ZDHHC14: variants seen among roughly 807,000 people sequenced by gnomAD.
ZDHHC14 encodes the protein palmitoyltransferase ZDHHC14.
A neutral mutation model predicts 47.7 loss-of-function variants in ZDHHC14; 16 were observed. The observed-to-expected ratio is 0.34, with a 90% CI of 0.23 to 0.51. ZDHHC14 has a LOEUF of 0.51. Among genes scored for constraint, ZDHHC14 ranks in the 20% least tolerant of loss-of-function variants. ZDHHC14 has a pLI of 0.97. For missense variants in ZDHHC14, 515 were observed against 662.5 expected, an observed-to-expected ratio of 0.78 and a Z score of 2.44; for synonymous variants, 293 against 278.9, an observed-to-expected ratio of 1.05 and a Z score of -0.50.
chr6:157,453,817 T>TGTGTGTGTGTG (rs1562431455), intron 1 of ZDHHC14, among the ~76,000 whole-genome samples: 6 of 151,718 alleles, frequency 4.0e-5, no homozygotes, highest in South Asian at 2.1e-4. Context: ...TGTGTGTGTG[T>TGTGTGTGTGTG]TTGACCATGG....
rs115911169 is a variant in ZDHHC14 at position 157,663,199 on chromosome 6, C to G, written c.1069-9525C>G. On this transcript the variant is annotated intron_variant, in intron 8 of 8. Coordinates refer to ENST00000359775, the MANE Select transcript of ZDHHC14 (RefSeq NM_024630.3). Reference sequence around the variant, plus strand: ...CTTTTGGTCTCAAGGCTTCTACCCCCCTGGGAGTGCCCCAAGCGCCATGAG... The same window carrying G: ...CTTTTGGTCTCAAGGCTTCTACCCCGCTGGGAGTGCCCCAAGCGCCATGAG... 3.5e-3 allele frequency among the ~76,000 whole-genome samples: 528 copies of G among 152,350 alleles called. 2 individuals are homozygous for G. The highest frequency in any genetic ancestry group is 0.012 in the African/African-American group (513 of 41,582).
At chr6:157,489,759 G>A (rs1025368402) in intron 1 of ZDHHC14, among the ~76,000 whole-genome samples, 1 of 152,224 alleles carries the variant, frequency 6.6e-6, no homozygotes, top group African/African-American at 2.4e-5. Flanking sequence ...AGGATGCGGG[G>A]AAGCTACTGC....
intron 1 of ZDHHC14, among the ~76,000 whole-genome samples, chr6:157,418,040 C>T (rs533276475): frequency 2.6e-5 from 4 of 152,214 alleles, no homozygotes; most frequent in African/African-American, 4.8e-5. Context: ...GTCTCGGGGC[C>T]CAGGCACTTT....
At chr6:157,498,176 C>T (rs1232930611) in intron 1 of ZDHHC14, among the ~76,000 whole-genome samples, 2 of 152,066 alleles carry the variant, frequency 1.3e-5, no homozygotes, top group Non-Finnish European at 2.9e-5. Flanking sequence ...GTGGCTCATG[C>T]CTGTAATTCC....
intron 1 of ZDHHC14, among the ~76,000 whole-genome samples, chr6:157,475,362 G>T (rs1423241147): frequency 1.3e-5 from 2 of 151,874 alleles, no homozygotes; most frequent in African/African-American, 4.8e-5. Flanking sequence ...ATCTTTTGTG[G>T]TTCCATATGG....
At chr6:157,390,408 C>T (rs138312556) in intron 1 of ZDHHC14, among the ~76,000 whole-genome samples, 1,761 of 152,196 alleles carry the variant, frequency 0.012, 39 homozygotes, top group African/African-American at 0.041. Context: ...TGGGGTTTGC[C>T]GAGCTTCTTG....
intron 8 of ZDHHC14, among the ~76,000 whole-genome samples, chr6:157,665,932 C>G (rs1448831422): frequency 6.6e-6 from 1 of 152,166 alleles, no homozygotes; most frequent in Non-Finnish European, 1.5e-5. Context: ...TATGAAATTT[C>G]AAGGACCCAT....
chr6:157,613,021 T>TA (rs1229934579), intron 3 of ZDHHC14, among the ~76,000 whole-genome samples: 2 of 151,930 alleles, frequency 1.3e-5, no homozygotes, highest in African/African-American at 2.4e-5. Flanking sequence ...AATGATCATT[T>TA]AAAAAAAATT....
At chr6:157,406,700 A>G (rs989401948) in intron 1 of ZDHHC14, among the ~76,000 whole-genome samples, 1 of 152,238 alleles carries the variant, frequency 6.6e-6, no homozygotes, top group Non-Finnish European at 1.5e-5. Context: ...AAAAATTTCA[A>G]ACTAAGGATC....
chr6:157,431,775 G>T (rs181588656), intron 1 of ZDHHC14, among the ~76,000 whole-genome samples: 28 of 150,814 alleles, frequency 1.9e-4, no homozygotes, highest in African/African-American at 6.1e-4. Context: ...TGTCACTCAG[G>T]CTAGAGTGCG....
intron 2 of ZDHHC14, among the ~76,000 whole-genome samples, chr6:157,578,291 C>T (rs973212366): frequency 1.3e-5 from 2 of 152,148 alleles, no homozygotes; most frequent in African/African-American, 4.8e-5. Context: ...AATGACATTT[C>T]CTAAGTTATC....
chr6:157,420,427 A>G (rs1453950381), intron 1 of ZDHHC14, among the ~76,000 whole-genome samples: 1 of 150,162 alleles, frequency 6.7e-6, no homozygotes, highest in Non-Finnish European at 1.5e-5. Flanking sequence ...GAGAGAAGGT[A>G]TAGTCATTGA....
intron 1 of ZDHHC14, among the ~76,000 whole-genome samples, chr6:157,529,648 C>A (rs1053021301): frequency 2.0e-5 from 3 of 152,214 alleles, no homozygotes; most frequent in Non-Finnish European, 4.4e-5. Context: ...GGACAAGGCA[C>A]CTTCACGCAG....
Position 157,628,332 on chromosome 6 carries a change from T to TTTTTTC in ZDHHC14, c.566-17_566-16insTTTTTC. 2 of 1,574,530 alleles carry TTTTTTC rather than the reference T, an allele frequency of 1.3e-6. No individual in the cohort carries two copies. Among genetic ancestry groups the TTTTTTC allele is most frequent in the Non-Finnish European group, 8.5e-7 (1 of 1,170,954 alleles). ...AATTGATTTCCACTTTTTTTTTTTT[T>TTTTTTC]CTGCCTCTCATTTCAGAACGGTTTG... On this transcript the variant is annotated splice_polypyrimidine_tract_variant and intron_variant, in intron 3 of 8. Transcript: ENST00000359775.
intron 1 of ZDHHC14, among the ~76,000 whole-genome samples, chr6:157,480,527 T>C (rs1418787470): frequency 6.6e-6 from 1 of 152,162 alleles, no homozygotes; most frequent in African/African-American, 2.4e-5. Context: ...TCAGCCTTCC[T>C]AAGTGTTAGG....
Position 157,640,502 on chromosome 6 carries a change from A to G in ZDHHC14, c.753-5235A>G, listed in dbSNP as rs533251094. On this transcript the variant is annotated intron_variant, in intron 5 of 8. Coordinates refer to ENST00000359775, the MANE Select transcript of ZDHHC14 (RefSeq NM_024630.3). ...AGCACAGGTCTTTTCCAACTTGTCCATCCTGATACCTGCTGATCCTGAGAG... is the reference window on the plus strand; with the variant it reads ...AGCACAGGTCTTTTCCAACTTGTCCGTCCTGATACCTGCTGATCCTGAGAG... 7.9e-5 allele frequency among the ~76,000 whole-genome samples: 12 copies of G among 152,312 alleles called. No homozygotes were observed. In the South Asian group the frequency reaches 1.2e-3, roughly 16 times the overall value.
intron 1 of ZDHHC14, among the ~76,000 whole-genome samples, chr6:157,466,206 A>AT (rs1779213045): frequency 6.6e-6 from 1 of 152,156 alleles, no homozygotes; most frequent in Non-Finnish European, 1.5e-5. Flanking sequence ...GCTTGCTGTG[A>AT]TGCTGGCTTA....
intron 8 of ZDHHC14, among the ~76,000 whole-genome samples, chr6:157,659,592 G>C (rs1041588847): frequency 6.6e-6 from 1 of 152,172 alleles, no homozygotes; most frequent in Non-Finnish European, 1.5e-5. Flanking sequence ...CACAGACTAA[G>C]CCAGCACATC....
chr6:157,389,461 A>G (rs1028627753), intron 1 of ZDHHC14, among the ~76,000 whole-genome samples: 4 of 152,220 alleles, frequency 2.6e-5, no homozygotes, highest in Middle Eastern at 3.2e-3. Context: ...TGGATGCAAC[A>G]GTCCGTATTC....
Sources: gnomAD v4.1 joint callset for allele counts (sites outside exome capture counted in the v4.1 genomes callset) on GRCh38, gnomAD v4.1.1 for gene constraint, MANE v1.5 for transcripts, NCBI Gene and HGNC (gene_info 2026-07-23, HGNC 2026-07-21) for gene names.